Variants in CENPQ observed in about 807,000 individuals in gnomAD.
The protein encoded by CENPQ is chromosome 6 open reading frame 139.
In CENPQ, 27 loss-of-function variants were observed where a neutral mutation model predicts 36.6. The observed-to-expected ratio is 0.74, with a 90% CI of 0.54 to 1.02. The LOEUF is 1.02. Ranked by LOEUF, CENPQ falls within the 50% of genes least tolerant of loss-of-function variation. The pLI is 0.00. For missense variants in CENPQ, 306 were observed against 301.8 expected (o/e 1.01, Z -0.10); for synonymous variants, 101 against 101.7 (o/e 0.99, Z 0.04).
At chr6:49,482,310 A>G (rs1768454767) in intron 6 of CENPQ, among the ~76,000 whole-genome samples, 1 of 152,166 alleles carries the variant, frequency 6.6e-6, no homozygotes, top group African/African-American at 2.4e-5. Flanking sequence ...AAGTGCCACC[A>G]AAGTGGGAGC....
At chr6:49,468,795 C>G (rs1768063125) in intron 1 of CENPQ, among the ~76,000 whole-genome samples, 1 of 152,148 alleles carries the variant, frequency 6.6e-6, no homozygotes, top group South Asian at 2.1e-4. Flanking sequence ...CATTTTTAAT[C>G]TAAAATCTCA....
chr6:49,470,093 C>T (rs1206491181), intron 1 of CENPQ, 66 bp from the exon 2 acceptor site: 1 of 610,866 alleles, frequency 1.6e-6, no homozygotes, highest in African/African-American at 2.1e-5. Flanking sequence ...TTAAACAAAA[C>T]ATTGTGCAAG....
chr6:49,484,277 C>G (rs1476452635), intron 6 of CENPQ, among the ~76,000 whole-genome samples: 3 of 152,174 alleles, frequency 2.0e-5, no homozygotes, highest in African/African-American at 7.2e-5. Context: ...AATGCTATTT[C>G]TAACTGAACC....
intron 5 of CENPQ, among the ~76,000 whole-genome samples, chr6:49,474,725 G>A (rs543560551): frequency 1.3e-4 from 20 of 152,248 alleles, no homozygotes; most frequent in African/African-American, 4.8e-4. Context: ...TCCAGGAGCT[G>A]ATTTTTTGAA....
At chr6:49,475,462 A>T (rs988548048) in intron 5 of CENPQ, among the ~76,000 whole-genome samples, 1 of 152,230 alleles carries the variant, frequency 6.6e-6, no homozygotes, top group Non-Finnish European at 1.5e-5. Flanking sequence ...TCCACAGCCA[A>T]TGTCATACTG....
At chr6:49,475,877 G>C (rs577239920) in intron 5 of CENPQ, among the ~76,000 whole-genome samples, 538 of 133,406 alleles carry the variant, frequency 4.0e-3, no homozygotes, top group African/African-American at 0.015. Flanking sequence ...GGGACGTGAA[G>C]GACCTCTTCA....
chr6:49,470,140 A>ATT lies in CENPQ; in HGVS notation c.-18-7_-18-6dup, dbSNP rs11333073. 1,845 of 946,330 alleles carry ATT rather than the reference A, an allele frequency of 1.9e-3. No homozygotes were observed. Among genetic ancestry groups the ATT allele is most frequent in the South Asian group, 4.3e-3 (251 of 58,968 alleles). The allele number at this position is 946,330 out of a possible 1,614,324, so 58.6% of individuals were successfully genotyped here. A position where few individuals can be genotyped will look rare whatever the true frequency, so the allele number is the denominator to read the frequency against. Reference sequence around the variant, plus strand: ...TTTTGTATTATTTTCATCTTTACAGATTTTTTTTTTTTTCGAAGCACTGTG... The same window carrying ATT: ...TTTTGTATTATTTTCATCTTTACAGATTTTTTTTTTTTTTTCGAAGCACTGTG... On this transcript the variant is annotated intron_variant, in intron 1 of 8. Transcript: ENST00000335783.
chr6:49,478,350 G>C (rs925176740), intron 5 of CENPQ, among the ~76,000 whole-genome samples: 5 of 152,018 alleles, frequency 3.3e-5, no homozygotes, highest in African/African-American at 1.2e-4. Flanking sequence ...TTTTCTTTAA[G>C]CTAGCATCTC....
chr6:49,470,911 A>G (rs1768116505), intron 2 of CENPQ, 63 bp from the exon 3 acceptor site: 3 of 925,958 alleles, frequency 3.2e-6, no homozygotes, highest in Non-Finnish European at 4.6e-6. Flanking sequence ...CTATTGTAAA[A>G]GCAGGATCCT....
intron 5 of CENPQ, among the ~76,000 whole-genome samples, chr6:49,477,707 G>T (rs1026082933): frequency 6.6e-6 from 1 of 152,052 alleles, no homozygotes. Context: ...CAATAGCCAA[G>T]TAGAAAGAGT....
At position 49,493,076 on chromosome 6, in the gene CENPQ, T is replaced by C. The variant is rs1042287142; in HGVS notation, c.*801T>C. ...CTTGGGTTTTTTTTTTTTTTTTTAG[T>C]CTGTAAAATAAAATGACTGCAATTA... On this transcript the variant is annotated 3_prime_UTR_variant, in exon 9 of 9. Transcript: ENST00000335783. The C allele has an allele frequency of 6.7e-5, 10 of 149,486 alleles. No homozygotes were observed. Among genetic ancestry groups the C allele is most frequent in the African/African-American group, 2.2e-4 (9 of 40,578 alleles). The allele number at this position is 149,486 out of a possible 1,614,324, so 9.3% of individuals were successfully genotyped here.
At chr6:49,466,909 G>C (rs1768013370) in intron 1 of CENPQ, among the ~76,000 whole-genome samples, 4 of 152,246 alleles carry the variant, frequency 2.6e-5, no homozygotes, top group Admixed American at 2.0e-4. Context: ...CTCGTTGCAG[G>C]ACTGCTCTTA....
chr6:49,474,375 A>C (rs1023746606), intron 5 of CENPQ, among the ~76,000 whole-genome samples: 6 of 152,026 alleles, frequency 3.9e-5, no homozygotes, highest in African/African-American at 1.4e-4. Context: ...ACTCAAAACC[A>C]CTCAACTACA....
intron 1 of CENPQ, among the ~76,000 whole-genome samples, chr6:49,464,837 T>C (rs1767959418): frequency 6.6e-6 from 1 of 152,228 alleles, no homozygotes; most frequent in Admixed American, 6.5e-5. Context: ...TTGAACAAAG[T>C]CATGACCTTT....
Position 49,470,277 on chromosome 6 carries a change from AGG to A in CENPQ, c.102_102+1del. On this transcript the variant is annotated splice_donor_variant and coding_sequence_variant, in exon 2 of 9. Coordinates refer to ENST00000335783, the MANE Select transcript of CENPQ (RefSeq NM_018132.4). LOFTEE classifies it high-confidence loss of function. ...GAGGAAGTTGTGTTGTCAGAGAATA[AGG>A]TAATGAAAATATCAAGTTTCTCATT... The A allele has an allele frequency of 6.4e-7, 1 of 1,550,664 alleles. No homozygotes were observed. Among genetic ancestry groups the A allele is most frequent in the Non-Finnish European group, 8.9e-7 (1 of 1,126,758 alleles).
Position 49,472,815 on chromosome 6 carries a change from GA to G in CENPQ, c.309del (p.Glu104LysfsTer10). On this transcript the variant is annotated frameshift_variant, in exon 5 of 9. Coordinates refer to ENST00000335783, the MANE Select transcript of CENPQ (RefSeq NM_018132.4). LOFTEE classifies it high-confidence loss of function. ...IMTILSNSIK[E>X]KEEIQYHLNF... ...GACAATTTTGAGTAACAGTATTAAA[GA>G]AAAAGAAGAAATACAATACCATCTC... is the stretch of plus-strand genomic sequence containing the variant. 2 of 1,454,956 alleles carry G rather than the reference GA, an allele frequency of 1.4e-6. No individual in the cohort carries two copies. Among genetic ancestry groups the G allele is most frequent in the South Asian group, 1.3e-5 (1 of 78,356 alleles). 90.1% of individuals were successfully genotyped at this position (1,454,956 alleles called of 1,614,324 possible). A position where few individuals can be genotyped will look rare whatever the true frequency, so the allele number is the denominator to read the frequency against.
intron 5 of CENPQ, among the ~76,000 whole-genome samples, chr6:49,476,120 A>G (rs1768282874): frequency 6.6e-6 from 1 of 152,180 alleles, no homozygotes; most frequent in African/African-American, 2.4e-5. Context: ...TGCCAAGACA[A>G]TCCTAAGCAA....
intron 5 of CENPQ, among the ~76,000 whole-genome samples, chr6:49,479,582 A>C (rs1040650510): frequency 1.3e-5 from 2 of 152,194 alleles, no homozygotes; most frequent in African/African-American, 4.8e-5. Context: ...GCAGATTCTC[A>C]ACTTAAAACA....
At chr6:49,472,937 C>T (rs2127424455) in intron 5 of CENPQ, 79 bp downstream of exon 5, 3 of 1,016,876 alleles carry the variant, frequency 3.0e-6, no homozygotes, top group Middle Eastern at 7.2e-4. Context: ...CAAATAGACA[C>T]TTGTGGAATG....
Sources: allele counts gnomAD v4.1 joint callset (sites outside exome capture counted in the v4.1 genomes callset), GRCh38; gene constraint gnomAD v4.1.1; transcripts MANE v1.5; gene names NCBI Gene and HGNC (gene_info 2026-07-23, HGNC 2026-07-21).